The following RANBP2 variants were observed in gnomAD, a reference collection of about 807,000 sequenced individuals.
RANBP2 encodes the protein RAN binding protein 2, also known as E3 SUMO-protein ligase RanBP2.
In RANBP2, 57 loss-of-function variants were observed where a neutral mutation model predicts 303.6. That is an observed-to-expected ratio of 0.19 (90% CI 0.15 to 0.23). RANBP2 has a LOEUF of 0.23. Among genes scored for constraint, RANBP2 ranks in the 10% least tolerant of loss-of-function variants. RANBP2 has a pLI of 1.00. For missense variants in RANBP2, 3,138 were observed against 3,780.8 expected (o/e 0.83, Z 4.46); for synonymous variants, 1,167 against 1,301.5 (o/e 0.90, Z 2.23).
chr2:109,377,971 C>T, the RANBP2 span, among the ~76,000 whole-genome samples: 28 of 152,358 alleles, frequency 1.8e-4, no homozygotes, highest in Admixed American at 5.9e-4. Flanking sequence ...GTGCACACTC[C>T]GCGTTCTGCA....
At chr2:109,233,927 A>G in the RANBP2 span, among the ~76,000 whole-genome samples, 3 of 152,256 alleles carry the variant, frequency 2.0e-5, no homozygotes, top group Admixed American at 1.3e-4. Context: ...ATATGGAGGT[A>G]CCACAGTTTG....
chr2:109,028,051 C>A, the RANBP2 span, among the ~76,000 whole-genome samples: 3 of 152,174 alleles, frequency 2.0e-5, no homozygotes, highest in African/African-American at 7.2e-5. Flanking sequence ...AGGCAGACAT[C>A]TTGAGCCCAG....
chr2:109,535,897 C>T, the RANBP2 span, among the ~76,000 whole-genome samples: 2 of 152,174 alleles, frequency 1.3e-5, no homozygotes, highest in Non-Finnish European at 2.9e-5. Flanking sequence ...GGGAATAGAA[C>T]AGAATTTGGG....
chr2:108,987,369 A>G, the RANBP2 span, among the ~76,000 whole-genome samples: 2 of 152,190 alleles, frequency 1.3e-5, no homozygotes, highest in East Asian at 3.9e-4. Flanking sequence ...GAGATGGGGT[A>G]AGACCAGGTC....
At chr2:109,637,312 C>T in the RANBP2 span, among the ~76,000 whole-genome samples, 5 of 152,176 alleles carry the variant, frequency 3.3e-5, no homozygotes, top group South Asian at 2.1e-4. Flanking sequence ...GGTTTTATAC[C>T]GAGACATTCA....
chr2:109,340,271 G>A, the RANBP2 span, among the ~76,000 whole-genome samples: 3 of 152,092 alleles, frequency 2.0e-5, no homozygotes, highest in Non-Finnish European at 4.4e-5. Context: ...ATAATATAAG[G>A]CCAAGCTCAC....
chr2:108,759,452 G>A (rs1244221425), intron 18 of RANBP2, among the ~76,000 whole-genome samples: 7 of 151,950 alleles, frequency 4.6e-5, no homozygotes, highest in South Asian at 2.1e-4. Flanking sequence ...TTCCTTTTAC[G>A]TACGACAGAC....
chr2:109,623,019 C>T, the RANBP2 span, among the ~76,000 whole-genome samples: 6 of 151,912 alleles, frequency 3.9e-5, no homozygotes, highest in African/African-American at 1.2e-4. Flanking sequence ...CCCAGCTACT[C>T]GGGAGGCTGA....
the RANBP2 span, among the ~76,000 whole-genome samples, chr2:109,683,972 C>T: frequency 9.4e-3 from 1,431 of 151,624 alleles, 33 homozygotes; most frequent in African/African-American, 0.032. Context: ...GACAGAGTCT[C>T]GCTCTCTCCC....
chr2:109,021,389 G>A, the RANBP2 span, among the ~76,000 whole-genome samples: 190 of 152,198 alleles, frequency 1.2e-3, no homozygotes, highest in Admixed American at 2.4e-3. Context: ...CGGGCGTGGT[G>A]GTGGGCGCCT....
chr2:109,330,336 A>G, the RANBP2 span, among the ~76,000 whole-genome samples: 372 of 151,980 alleles, frequency 2.4e-3, 3 homozygotes, highest in African/African-American at 8.8e-3. Context: ...TCTTGTGCCT[A>G]TCTCTCTCCG....
chr2:108,853,988 ATAATAAATTTATATTATATAT>A, the RANBP2 span, among the ~76,000 whole-genome samples: 1 of 10,616 alleles, frequency 9.4e-5, no homozygotes, highest in Non-Finnish European at 3.4e-4. Flanking sequence ...TATATAATAT[ATAATAAATTTATATTATATAT>A]AATATATAAT....
the RANBP2 span, among the ~76,000 whole-genome samples, chr2:109,229,113 T>C: frequency 6.6e-6 from 1 of 152,150 alleles, no homozygotes; most frequent in African/African-American, 2.4e-5. Flanking sequence ...GAACAAAAGA[T>C]ACTCCTAGCC....
chr2:109,544,916 T>C, the RANBP2 span: 1 of 966,334 alleles, frequency 1.0e-6, no homozygotes, highest in Non-Finnish European at 1.2e-6. Context: ...GAGAATTCCT[T>C]CCTCTTTTCC....
At chr2:109,004,974 C>T in the RANBP2 span, among the ~76,000 whole-genome samples, 3 of 152,138 alleles carry the variant, frequency 2.0e-5, no homozygotes, top group East Asian at 1.9e-4. Context: ...GTTCAGAGCC[C>T]GGTGGTTATT....
the RANBP2 span, among the ~76,000 whole-genome samples, chr2:109,655,331 C>T: frequency 2.0e-5 from 3 of 152,236 alleles, no homozygotes; most frequent in African/African-American, 7.2e-5. Flanking sequence ...CGATAGGTGA[C>T]TGGCCTTGAA....
the RANBP2 span, among the ~76,000 whole-genome samples, chr2:109,727,052 T>A: frequency 6.6e-6 from 1 of 152,228 alleles, no homozygotes; most frequent in African/African-American, 2.4e-5. Flanking sequence ...AGGCACCATG[T>A]ACTGCCCTGG....
At chr2:109,667,369 AAC>A in the RANBP2 span, 2 of 479,350 alleles carry the variant, frequency 4.2e-6, no homozygotes, top group Non-Finnish European at 7.7e-6. Context: ...TTTCTACTGT[AAC>A]TCAGTTTTGA....
the RANBP2 span, among the ~76,000 whole-genome samples, chr2:109,243,415 A>T: frequency 6.6e-6 from 1 of 152,214 alleles, no homozygotes; most frequent in African/African-American, 2.4e-5. Flanking sequence ...TTCTTCTTGC[A>T]TCAAGTGTGT....
Sources: allele counts gnomAD v4.1 joint callset (sites outside exome capture counted in the v4.1 genomes callset), GRCh38; gene constraint gnomAD v4.1.1; transcripts MANE v1.5; gene names NCBI Gene and HGNC (gene_info 2026-07-23, HGNC 2026-07-21).